Variants in PRRX1 observed in about 807,000 individuals in gnomAD.
PRRX1 encodes paired related homeobox 1.
In PRRX1, 8 loss-of-function variants were observed where a neutral mutation model predicts 24.0. That is an observed-to-expected ratio of 0.33 (90% CI 0.20 to 0.60). The LOEUF is 0.60. Ranked by LOEUF, PRRX1 falls within the 20% of genes least tolerant of loss-of-function variation. The pLI, the probability that PRRX1 is intolerant of heterozygous loss-of-function variation, is 0.82. For synonymous variants in PRRX1, 160 were observed against 131.7 expected, an observed-to-expected ratio of 1.22 and a Z score of -1.47; for missense variants, 281 against 322.4, an observed-to-expected ratio of 0.87 and a Z score of 0.98.
chr1:170,728,393 A>T (rs1005301116), intron 3 of PRRX1: 10 of 152,218 alleles, frequency 6.6e-5, no homozygotes, highest in Admixed American at 5.9e-4. Context: ...ATACATTTTT[A>T]AAAACATCCA....
intron 1 of PRRX1, 106 bp downstream of exon 1, chr1:170,664,565 G>A: frequency 2.1e-6 from 3 of 1,458,262 alleles, no homozygotes; most frequent in Non-Finnish European, 9.1e-7. Context: ...AAGGTCCTGG[G>A]ACCAGGAGAG....
intron 2 of PRRX1, among the ~76,000 whole-genome samples, chr1:170,721,647 G>GA (rs1655089224): frequency 6.6e-6 from 1 of 152,202 alleles, no homozygotes; most frequent in Non-Finnish European, 1.5e-5. Flanking sequence ...AGGAGGAAGT[G>GA]TGAGTGCAGG....
At chr1:170,699,976 C>A (rs893168196) in intron 1 of PRRX1, among the ~76,000 whole-genome samples, 1 of 152,104 alleles carries the variant, frequency 6.6e-6, no homozygotes, top group Admixed American at 6.6e-5. Context: ...CCAGCCTCAA[C>A]CTCTCAAAGT....
At chr1:170,665,408 G>T (rs918693512) in intron 1 of PRRX1, among the ~76,000 whole-genome samples, 1 of 152,142 alleles carries the variant, frequency 6.6e-6, no homozygotes, top group Non-Finnish European at 1.5e-5. Flanking sequence ...TAACAGACCG[G>T]TCACCCTGTT....
At chr1:170,713,802 A>T (rs1028922132) in intron 1 of PRRX1, among the ~76,000 whole-genome samples, 2 of 152,244 alleles carry the variant, frequency 1.3e-5, no homozygotes, top group Non-Finnish European at 2.9e-5. Context: ...ACTAAAAATG[A>T]ACCAAGTCTA....
intron 3 of PRRX1, chr1:170,730,296 T>A: frequency 1.9e-6 from 3 of 1,611,680 alleles, no homozygotes; most frequent in Non-Finnish European, 2.5e-6. Flanking sequence ...CCTCCCAAGA[T>A]GTTGTTTACA....
rs561777809 is a variant in PRRX1 at position 170,715,484 on chromosome 1, A to G, written c.242-4242A>G. 5.3e-5 allele frequency among the ~76,000 whole-genome samples: 8 copies of G among 152,202 alleles called. No homozygotes were observed. The South Asian group carries it at 1.2e-3, about 24-fold the overall frequency. ...TATACTAATATATGTATATAAATTTAGAGCCTGAGAAATCAATATGAATTG... is the reference window on the plus strand; with the variant it reads ...TATACTAATATATGTATATAAATTTGGAGCCTGAGAAATCAATATGAATTG... On this transcript the variant is annotated intron_variant, in intron 1 of 3. Coordinates refer to ENST00000239461, the MANE Select transcript of PRRX1 (RefSeq NM_022716.4).
rs555522844 is a variant in PRRX1 at position 170,736,276 on chromosome 1, A to G, written c.*90A>G. 30 of 1,527,638 alleles carry G rather than the reference A, an allele frequency of 2.0e-5. No individual in the cohort carries two copies. The African/African-American group carries it at 3.0e-4, about 15-fold the overall frequency. The allele number at this position is 1,527,638 out of a possible 1,614,324, so 94.6% of individuals were successfully genotyped here. ...GTTATTTCTTCATCTGCTGGGGGGA[A>G]AAAGTAAATTACAAACAAACAAACA... On this transcript the variant is annotated 3_prime_UTR_variant, in exon 4 of 4. Transcript: ENST00000239461.
chr1:170,678,579 G>T (rs1653396827), intron 1 of PRRX1, among the ~76,000 whole-genome samples: 1 of 152,210 alleles, frequency 6.6e-6, no homozygotes, highest in South Asian at 2.1e-4. Context: ...AAGTGTTTGT[G>T]TGTGTGTTTG....
intron 1 of PRRX1, among the ~76,000 whole-genome samples, chr1:170,677,618 T>C (rs1056546736): frequency 3.3e-5 from 5 of 152,234 alleles, no homozygotes; most frequent in African/African-American, 9.6e-5. Context: ...TGTCACTTAT[T>C]GAGTCTATTT....
intron 1 of PRRX1, among the ~76,000 whole-genome samples, chr1:170,693,457 G>C (rs71635674): frequency 0.12 from 18,069 of 151,932 alleles, 1,533 homozygotes; most frequent in East Asian, 0.41. Context: ...GAGGATATTT[G>C]ATATGGCAGT....
Position 170,736,062 on chromosome 1 carries a change from ATTCTGCCACAT to A in PRRX1, c.615_625del (p.Tyr205Ter). ...TGTCCCTACAGCGCCATGGCTACTTATTCTGCCACATGTGCCAACAATAGCCCTGCACAGGG... is the reference window on the plus strand; with the variant it reads ...TGTCCCTACAGCGCCATGGCTACTTAGTGCCAACAATAGCCCTGCACAGGG... On this transcript the variant is annotated stop_gained and frameshift_variant, in exon 4 of 4. Transcript: ENST00000239461. LOFTEE classifies it high-confidence loss of function. 6.2e-7 allele frequency: 1 copy of A among 1,614,050 alleles called. No homozygotes were observed. Among genetic ancestry groups the A allele is most frequent in the Admixed American group, 1.7e-5 (1 of 60,016 alleles).
At chr1:170,719,646 T>A in intron 1 of PRRX1, 80 bp from the exon 2 acceptor site, 1 of 1,447,986 alleles carries the variant, frequency 6.9e-7, no homozygotes, top group African/African-American at 1.4e-5. Context: ...AAGATCTCAC[T>A]ATAGATATAC....
chr1:170,718,073 G>A (rs1035133853), intron 1 of PRRX1, among the ~76,000 whole-genome samples: 1 of 152,232 alleles, frequency 6.6e-6, no homozygotes, highest in Non-Finnish European at 1.5e-5. Flanking sequence ...ATGAAGCAGA[G>A]AGAAAGGTAT....
chr1:170,689,834 CT>C (rs1172130450), intron 1 of PRRX1, among the ~76,000 whole-genome samples: 5 of 59,352 alleles, frequency 8.4e-5, no homozygotes, highest in Non-Finnish European at 1.4e-4. Flanking sequence ...CTCTCTCTCT[CT>C]CTCCCTCTCT....
chr1:170,668,783 T>C (rs1322790020), intron 1 of PRRX1: 1 of 152,160 alleles, frequency 6.6e-6, no homozygotes, highest in African/African-American at 2.4e-5. Context: ...AATTTTCTTA[T>C]GCAGCACCAT....
chr1:170,726,567 GC>G, intron 3 of PRRX1, 166 bp downstream of exon 3: 1 of 819,964 alleles, frequency 1.2e-6, no homozygotes, highest in Non-Finnish European at 1.9e-6. Flanking sequence ...ATTATAAGCT[GC>G]CCCAGCAGCA....
chr1:170,721,133 C>T (rs1053893319), intron 2 of PRRX1, among the ~76,000 whole-genome samples: 13 of 152,218 alleles, frequency 8.5e-5, no homozygotes, highest in South Asian at 2.1e-4. Context: ...CTCCCCACCC[C>T]GCCTCCCAAA....
chr1:170,737,899 A>T lies in PRRX1; in HGVS notation c.*1713A>T, dbSNP rs1044433706. 4.6e-6 allele frequency: 1 copy of T among 216,512 alleles called. No homozygotes were observed. Among genetic ancestry groups the T allele is most frequent in the African/African-American group, 2.3e-5 (1 of 44,346 alleles). 13.4% of individuals were successfully genotyped at this position (216,512 alleles called of 1,614,324 possible). A position where few individuals can be genotyped will look rare whatever the true frequency, so the allele number is the denominator to read the frequency against. On this transcript the variant is annotated 3_prime_UTR_variant, in exon 4 of 4. Transcript: ENST00000239461. ...ATGTCCAGCACTTTGTAGCCATGGG[A>T]GGAAAGGGACTATAAAAGTGTACAA...
Sources: gnomAD v4.1 joint callset for allele counts (sites outside exome capture counted in the v4.1 genomes callset) on GRCh38, gnomAD v4.1.1 for gene constraint, MANE v1.5 for transcripts, NCBI Gene and HGNC (gene_info 2026-07-23, HGNC 2026-07-21) for gene names.